FHIT: variants seen among roughly 807,000 people sequenced by gnomAD.
FHIT encodes the protein bis(5'-adenosyl)-triphosphatase.
Under a neutral mutation model 17.9 loss-of-function variants are expected in FHIT, and 19 were observed. That is an observed-to-expected ratio of 1.06 (90% CI 0.74 to 1.56). FHIT has a LOEUF of 1.56. Ranked by LOEUF, FHIT falls within the 40% of genes most tolerant of loss-of-function variation. FHIT has a pLI of 0.00. For missense variants in FHIT, 248 were observed against 189.2 expected, an observed-to-expected ratio of 1.31 and a Z score of -1.82; for synonymous variants, 81 against 69.7, an observed-to-expected ratio of 1.16 and a Z score of -0.81.
chr3:60,033,410 C>T (rs1440184231), intron 5 of FHIT, among the ~76,000 whole-genome samples: 3 of 151,858 alleles, frequency 2.0e-5, no homozygotes, highest in Non-Finnish European at 4.4e-5. Flanking sequence ...AGGAGAATCG[C>T]TTGAACCTGG....
intron 4 of FHIT, among the ~76,000 whole-genome samples, chr3:60,634,089 T>C (rs1577005463): frequency 6.6e-6 from 1 of 152,216 alleles, no homozygotes; most frequent in Non-Finnish European, 1.5e-5. Context: ...GGACATCCAA[T>C]TGGCACAGTG....
At chr3:61,033,717 T>G (rs1384150922) in intron 3 of FHIT, among the ~76,000 whole-genome samples, 1 of 152,228 alleles carries the variant, frequency 6.6e-6, no homozygotes, top group East Asian at 1.9e-4. Flanking sequence ...CCACTTTATG[T>G]CTGTTTTTAA....
chr3:60,669,225 G>A (rs1553693262), intron 4 of FHIT, among the ~76,000 whole-genome samples: 1 of 152,170 alleles, frequency 6.6e-6, no homozygotes, highest in Admixed American at 6.5e-5. Context: ...TGTTAAAAGA[G>A]TGGTTGTTGG....
chr3:59,970,287 G>A (rs952150709), intron 7 of FHIT, among the ~76,000 whole-genome samples: 6 of 152,106 alleles, frequency 3.9e-5, no homozygotes, highest in Non-Finnish European at 7.4e-5. Flanking sequence ...TTAATTACAT[G>A]AGATTTCTTT....
chr3:59,898,433 T>C (rs1026142312), intron 8 of FHIT, among the ~76,000 whole-genome samples: 22 of 145,998 alleles, frequency 1.5e-4, no homozygotes, highest in African/African-American at 5.7e-4. Flanking sequence ...TATGTGTGCG[T>C]GTGTATGTTT....
chr3:59,933,875 G>A (rs1466156495), intron 7 of FHIT, among the ~76,000 whole-genome samples: 1 of 152,164 alleles, frequency 6.6e-6, no homozygotes, highest in East Asian at 1.9e-4. Flanking sequence ...AGGAAAGAAA[G>A]AAGGCTCTGT....
At chr3:60,678,376 T>G (rs2040670530) in intron 4 of FHIT, among the ~76,000 whole-genome samples, 1 of 152,204 alleles carries the variant, frequency 6.6e-6, no homozygotes. Context: ...ACAATTCTTT[T>G]TTCATTTAGC....
intron 7 of FHIT, among the ~76,000 whole-genome samples, chr3:59,965,903 A>G (rs1161433095): frequency 6.6e-6 from 1 of 152,218 alleles, no homozygotes; most frequent in Non-Finnish European, 1.5e-5. Context: ...CTGGCTGCTA[A>G]GAGAACTGAT....
At chr3:60,057,679 C>T (rs1019627674) in intron 5 of FHIT, among the ~76,000 whole-genome samples, 1 of 151,412 alleles carries the variant, frequency 6.6e-6, no homozygotes, top group Non-Finnish European at 1.5e-5. Flanking sequence ...CAGGAAATGA[C>T]CTTCAGGCCT....
At chr3:60,302,012 T>C (rs1390764) in intron 5 of FHIT, among the ~76,000 whole-genome samples, 2 of 152,170 alleles carry the variant, frequency 1.3e-5, no homozygotes, top group African/African-American at 4.8e-5. Context: ...ACTAAATATA[T>C]TTAAAGTGGT....
At chr3:60,127,148 C>T (rs1705589593) in intron 5 of FHIT, among the ~76,000 whole-genome samples, 1 of 152,104 alleles carries the variant, frequency 6.6e-6, no homozygotes, top group Non-Finnish European at 1.5e-5. Flanking sequence ...TACAAGTGGC[C>T]ATCCTCTCTG....
At chr3:60,988,556 A>G (rs1057070474) in intron 3 of FHIT, among the ~76,000 whole-genome samples, 1 of 152,226 alleles carries the variant, frequency 6.6e-6, no homozygotes, top group Non-Finnish European at 1.5e-5. Context: ...AGGAGACCAT[A>G]TTCCAGCTGA....
At chr3:60,696,982 T>G (rs888506356) in intron 4 of FHIT, among the ~76,000 whole-genome samples, 3 of 152,114 alleles carry the variant, frequency 2.0e-5, no homozygotes, top group African/African-American at 7.2e-5. Context: ...GTGCACTCAT[T>G]AAGATTTCTT....
intron 5 of FHIT, among the ~76,000 whole-genome samples, chr3:60,328,953 C>T (rs1370997266): frequency 2.6e-5 from 4 of 152,168 alleles, no homozygotes; most frequent in Admixed American, 2.6e-4. Flanking sequence ...CGATTCAGGA[C>T]CTCAATACAC....
At position 60,517,374 on chromosome 3, in the gene FHIT, C is replaced by T. The variant is rs903842386; in HGVS notation, c.103+19486G>A. On this transcript the variant is annotated intron_variant, in intron 5 of 9. Coordinates refer to ENST00000492590, the MANE Select transcript of FHIT (RefSeq NM_002012.4). ...ACTATACCTTTCACATATTCTTTGA[C>T]ATTTTATTCCCTCCATCAAATATGA... Among the ~76,000 whole-genome samples, 5 of 152,272 alleles carry T rather than the reference C, an allele frequency of 3.3e-5. No individual in the cohort carries two copies. The South Asian group carries it at 8.3e-4, about 25-fold the overall frequency.
intron 3 of FHIT, among the ~76,000 whole-genome samples, chr3:60,882,995 T>C (rs1040816884): frequency 2.0e-5 from 3 of 152,070 alleles, no homozygotes; most frequent in Non-Finnish European, 2.9e-5. Flanking sequence ...ATTCTTAGAA[T>C]GAGACAACAA....
At chr3:60,968,810 C>T (rs1268971977) in intron 3 of FHIT, among the ~76,000 whole-genome samples, 1 of 152,070 alleles carries the variant, frequency 6.6e-6, no homozygotes, top group Non-Finnish European at 1.5e-5. Context: ...TCAATTTTTT[C>T]CCCTTATCTA....
intron 5 of FHIT, among the ~76,000 whole-genome samples, chr3:60,407,450 C>A (rs1286142950): frequency 6.6e-6 from 1 of 152,108 alleles, no homozygotes; most frequent in Non-Finnish European, 1.5e-5. Flanking sequence ...CATGTAACTT[C>A]TGAGTTAAGA....
At chr3:59,874,446 C>G (rs563144518) in intron 8 of FHIT, among the ~76,000 whole-genome samples, 1 of 152,280 alleles carries the variant, frequency 6.6e-6, no homozygotes, top group African/African-American at 2.4e-5. Flanking sequence ...CCCCAGTCAG[C>G]AGAGTTGCAG....
Sources: allele counts gnomAD v4.1 joint callset (sites outside exome capture counted in the v4.1 genomes callset), GRCh38; gene constraint gnomAD v4.1.1; transcripts MANE v1.5; gene names NCBI Gene and HGNC (gene_info 2026-07-23, HGNC 2026-07-21).